Variants in KLRD1 observed in about 807,000 individuals in gnomAD.
KLRD1 encodes killer cell lectin like receptor D1, also known as natural killer cells antigen CD94.
A neutral mutation model predicts 22.6 loss-of-function variants in KLRD1; 21 were observed. The observed-to-expected ratio is 0.93, with a 90% CI of 0.66 to 1.34. The LOEUF (loss-of-function observed/expected upper bound fraction) is 1.34. KLRD1 is among the 40% of genes most tolerant of loss of function. The pLI is 0.00. For missense variants in KLRD1, 183 were observed against 208.6 expected (o/e 0.88, Z 0.76); for synonymous variants, 59 against 71.1 (o/e 0.83, Z 0.85).
rs975801597 is a variant in KLRD1, at chr12:10,252,150, C to T, written c.-101+25917C>T. 2.6e-5 allele frequency among the ~76,000 whole-genome samples: 4 copies of T among 152,124 alleles called. No homozygotes were observed. The East Asian group carries it at 7.7e-4, about 29-fold the overall frequency. On this transcript the variant is annotated intron_variant, in intron 1 of 5. Transcript: ENST00000544747. Reference sequence around the variant, plus strand: ...ACTCTTGTTTTTGTCATTGAAAAGACACTAGGCCAGGTATGGTGGTTTACA... The same window carrying T: ...ACTCTTGTTTTTGTCATTGAAAAGATACTAGGCCAGGTATGGTGGTTTACA...
intron 1 of KLRD1, among the ~76,000 whole-genome samples, chr12:10,254,301 G>T (rs1398188667): frequency 6.6e-6 from 1 of 150,578 alleles, no homozygotes; most frequent in African/African-American, 2.4e-5. Flanking sequence ...GGTGGAGGGC[G>T]CCTGTAGTCC....
rs1293965203 is a variant in KLRD1, at chr12:10,239,480, TCCTTCTTC to T, written c.-101+13249_-101+13256del. 1.4e-3 allele frequency among the ~76,000 whole-genome samples: 123 copies of T among 85,654 alleles called. 4 individuals are homozygous for T. The highest frequency in any genetic ancestry group is 6.7e-3 in the African/African-American group (113 of 16,908). 56.2% of individuals were successfully genotyped at this position (85,654 alleles called of 152,430 possible). On this transcript the variant is annotated intron_variant, in intron 1 of 5. Transcript: ENST00000544747. ...TTCCTTCCTTCCTTCCTTCCTTCCT[TCCTTCTTC>T]CTTCCTTCCTTCCTTCCCTCCTTCC...
chr12:10,283,357 A>G (rs948263933), intron 1 of KLRD1, among the ~76,000 whole-genome samples: 1 of 152,222 alleles, frequency 6.6e-6, no homozygotes, highest in Non-Finnish European at 1.5e-5. Flanking sequence ...AAGGAGCAGA[A>G]TAGTGGTTAC....
upstream of KLRD1, chr12:10,307,692 C>T (rs182511810): frequency 1.7e-4 from 28 of 165,720 alleles, no homozygotes; most frequent in Admixed American, 3.7e-4. Flanking sequence ...TCCAGATAAC[C>T]CTTTAAAATG....
chr12:10,296,545 C>T (rs146076054), intron 1 of KLRD1, among the ~76,000 whole-genome samples: 198 of 151,924 alleles, frequency 1.3e-3, no homozygotes, highest in African/African-American at 4.5e-3. Flanking sequence ...ACCACACACA[C>T]ACACACAAAA....
At chr12:10,307,075 A>G (rs1180979650), upstream of KLRD1, among the ~76,000 whole-genome samples, 1 of 152,192 alleles carries the variant, frequency 6.6e-6, no homozygotes, top group African/African-American at 2.4e-5. Flanking sequence ...ATTATAGCCA[A>G]TCTCTTCCAC....
rs1004100202 is a variant in KLRD1, at chr12:10,319,205, T to A, written c.*4412T>A. 9 of 152,234 alleles carry A rather than the reference T, an allele frequency of 5.9e-5. No homozygotes were observed. The highest frequency in any genetic ancestry group is 2.2e-4 in the African/African-American group (9 of 41,468). The allele number at this position is 152,234 out of a possible 1,614,324, so 9.4% of individuals were successfully genotyped here. A position where few individuals can be genotyped will look rare whatever the true frequency, so the allele number is the denominator to read the frequency against. ...TAGTTTGCCAACATGTGCCCAAGTATGTAAGATGAGAATATAAGGCCATAA... is the reference window on the plus strand; with the variant it reads ...TAGTTTGCCAACATGTGCCCAAGTAAGTAAGATGAGAATATAAGGCCATAA... On this transcript the variant is annotated 3_prime_UTR_variant, in exon 6 of 6. Transcript: ENST00000336164.
chr12:10,274,504 A>G (rs1370498912), intron 1 of KLRD1, among the ~76,000 whole-genome samples: 5 of 152,324 alleles, frequency 3.3e-5, no homozygotes, highest in African/African-American at 9.6e-5. Context: ...CAACAGTAGT[A>G]TATCACAATT....
chr12:10,242,324 T>A (rs899539363), intron 1 of KLRD1, among the ~76,000 whole-genome samples: 8 of 152,058 alleles, frequency 5.3e-5, no homozygotes, highest in African/African-American at 1.7e-4. Flanking sequence ...ACAAAATCAT[T>A]AACAAATATT....
intron 1 of KLRD1, among the ~76,000 whole-genome samples, chr12:10,239,400 A>C (rs1949212595): frequency 6.8e-6 from 1 of 146,664 alleles, no homozygotes; most frequent in East Asian, 2.1e-4. Flanking sequence ...TGGCAGCAGC[A>C]TTTCCTTCCT....
At chr12:10,304,234 C>T (rs1011726501), upstream of KLRD1, among the ~76,000 whole-genome samples, 3 of 152,136 alleles carry the variant, frequency 2.0e-5, no homozygotes, top group Non-Finnish European at 4.4e-5. Context: ...ACACTCTGGC[C>T]CAGACAAACA....
chr12:10,260,726 G>A (rs1305855884), intron 1 of KLRD1, among the ~76,000 whole-genome samples: 1 of 152,144 alleles, frequency 6.6e-6, no homozygotes, highest in Non-Finnish European at 1.5e-5. Flanking sequence ...AGATCACAAG[G>A]TCAGGAGATC....
At chr12:10,301,811 C>T (rs936079381), upstream of KLRD1, among the ~76,000 whole-genome samples, 1 of 152,170 alleles carries the variant, frequency 6.6e-6, no homozygotes, top group Non-Finnish European at 1.5e-5. Context: ...GACATGTCCT[C>T]CTAGCTTTTG....
chr12:10,257,482 C>CTTTTTTTTTTT (rs56871156), intron 1 of KLRD1, among the ~76,000 whole-genome samples: 13 of 97,364 alleles, frequency 1.3e-4, no homozygotes, highest in African/African-American at 5.0e-4. Context: ...GTAGCTGATT[C>CTTTTTTTTTTT]TTTTTTTTTT....
At chr12:10,247,809 C>T (rs374037067) in intron 1 of KLRD1, among the ~76,000 whole-genome samples, 1 of 152,058 alleles carries the variant, frequency 6.6e-6, no homozygotes. Context: ...TGGCATTTCT[C>T]TGTCCCGGCC....
At chr12:10,295,797 T>C (rs1018155331) in intron 1 of KLRD1, among the ~76,000 whole-genome samples, 3 of 152,192 alleles carry the variant, frequency 2.0e-5, no homozygotes, top group Non-Finnish European at 4.4e-5. Flanking sequence ...ATCATGAATA[T>C]TGAATACTTA....
At chr12:10,259,572 A>T (rs1440712532) in intron 1 of KLRD1, among the ~76,000 whole-genome samples, 2 of 152,224 alleles carry the variant, frequency 1.3e-5, no homozygotes, top group African/African-American at 4.8e-5. Context: ...ATGGTTTCAT[A>T]TAATTGCTAT....
At chr12:10,313,861 A>T (rs1015161321) in intron 5 of KLRD1, among the ~76,000 whole-genome samples, 9 of 152,290 alleles carry the variant, frequency 5.9e-5, no homozygotes. Flanking sequence ...CAAAACCAAA[A>T]CATTACAAAT....
intron 1 of KLRD1, among the ~76,000 whole-genome samples, chr12:10,246,928 C>CTTTTTTTT (rs1208226436): frequency 1.2e-4 from 16 of 129,686 alleles, no homozygotes; most frequent in East Asian, 2.6e-4. Flanking sequence ...CTTTTCTTTT[C>CTTTTTTTT]TTTTCTTTTT....
Sources: allele counts gnomAD v4.1 joint callset (sites outside exome capture counted in the v4.1 genomes callset), GRCh38; gene constraint gnomAD v4.1.1; transcripts MANE v1.5; gene names NCBI Gene and HGNC (gene_info 2026-07-23, HGNC 2026-07-21).